Variants in C2CD5 observed in about 807,000 individuals in gnomAD.
C2CD5 encodes the protein C2 calcium dependent domain containing 5, also known as C2 domain-containing protein 5.
A neutral mutation model predicts 130.3 loss-of-function variants in C2CD5; 109 were observed. The ratio of observed to expected loss-of-function variants is 0.84; its 90% confidence interval spans 0.72 to 0.98. C2CD5 has a LOEUF of 0.98. Ranked by LOEUF, C2CD5 falls within the 50% of genes least tolerant of loss-of-function variation. The pLI, the probability that C2CD5 is intolerant of heterozygous loss-of-function variation, is 0.00. For synonymous variants in C2CD5, 454 were observed against 429.2 expected, an observed-to-expected ratio of 1.06 and a Z score of -0.71; for missense variants, 996 against 1,261.8, an observed-to-expected ratio of 0.79 and a Z score of 3.19.
At chr12:22,496,291 A>C (rs905356069) in intron 10 of C2CD5, among the ~76,000 whole-genome samples, 3 of 152,098 alleles carry the variant, frequency 2.0e-5, no homozygotes, top group African/African-American at 7.2e-5. Context: ...AAGGTTTAAA[A>C]ACTGATAACT....
chr12:22,459,174 G>A (rs1017989961), intron 23 of C2CD5, among the ~76,000 whole-genome samples: 1 of 151,980 alleles, frequency 6.6e-6, no homozygotes, highest in Non-Finnish European at 1.5e-5. Context: ...ATAATATGGG[G>A]TCAGGGCAGG....
Position 22,456,296 on chromosome 12 carries a change from T to G in C2CD5, c.2877+675A>C, listed in dbSNP as rs572623185. Reference sequence around the variant, plus strand: ...CCTCAGTAACTAAAAAATTTCCCTATTCACCATATTAATTTGCTTGGTAGC... The same window carrying G: ...CCTCAGTAACTAAAAAATTTCCCTAGTCACCATATTAATTTGCTTGGTAGC... On this transcript the variant is annotated intron_variant, in intron 25 of 26. Coordinates refer to ENST00000446597, the MANE Select transcript of C2CD5 (RefSeq NM_001286176.2). Among the ~76,000 whole-genome samples, 4 of 152,334 alleles carry G rather than the reference T, an allele frequency of 2.6e-5. No homozygotes were observed. In the East Asian group the frequency reaches 7.7e-4, roughly 29 times the overall value.
At chr12:22,484,618 G>T in intron 13 of C2CD5, 79 bp downstream of exon 13, 3 of 699,606 alleles carry the variant, frequency 4.3e-6, no homozygotes, top group Non-Finnish European at 6.8e-6. Flanking sequence ...AAACAGTAAA[G>T]CTGACACTTA....
chr12:22,542,462 A>C (rs1165745478), intron 2 of C2CD5, among the ~76,000 whole-genome samples: 1 of 152,222 alleles, frequency 6.6e-6, no homozygotes, highest in Non-Finnish European at 1.5e-5. Flanking sequence ...CACTACCCAC[A>C]TATCTCATAC....
intron 21 of C2CD5, among the ~76,000 whole-genome samples, chr12:22,470,550 A>T (rs1942858725): frequency 6.6e-6 from 1 of 152,058 alleles, no homozygotes; most frequent in South Asian, 2.1e-4. Flanking sequence ...AAACCCTTAT[A>T]TTACTGCAGA....
chr12:22,472,605 T>C (rs1943215817), intron 17 of C2CD5, 139 bp downstream of exon 17: 1 of 709,400 alleles, frequency 1.4e-6, no homozygotes, highest in South Asian at 1.6e-5. Context: ...GTTTTCTACC[T>C]TGGAGTAGCA....
rs751332096 is a variant in C2CD5 at position 22,524,456 on chromosome 12, TA to T, written c.601+15del. The T allele has an allele frequency of 2.0e-4, 324 of 1,609,998 alleles. No homozygotes were observed. Among genetic ancestry groups the T allele is most frequent in the Non-Finnish European group, 2.6e-4 (309 of 1,177,572 alleles). ...GTACTAAATCAGTCAGTAATAAAGT[TA>T]TTTTTTTTAAATACCTGACATTAAC... is the stretch of plus-strand genomic sequence containing the variant. On this transcript the variant is annotated intron_variant, in intron 6 of 26. Transcript: ENST00000446597.
chr12:22,509,052 ATT>A (rs1250709177), intron 9 of C2CD5, among the ~76,000 whole-genome samples: 3 of 149,660 alleles, frequency 2.0e-5, no homozygotes, highest in Non-Finnish European at 4.4e-5. Context: ...AATTTTTTGT[ATT>A]TTTTTAGTAG....
rs569612179 is a variant in C2CD5 at position 22,510,535 on chromosome 12, ATAC to A, written c.1038+2756_1038+2758del. Among the ~76,000 whole-genome samples, 430 of 152,316 alleles carry A rather than the reference ATAC, an allele frequency of 2.8e-3. 3 individuals carry two copies. Among genetic ancestry groups the A allele is most frequent in the African/African-American group, 0.01 (425 of 41,574 alleles). On this transcript the variant is annotated intron_variant, in intron 9 of 26. Coordinates refer to ENST00000446597, the MANE Select transcript of C2CD5 (RefSeq NM_001286176.2). Reference sequence around the variant, plus strand: ...TTAAATAGTTTATTCTTTAAATCAAATACTCTTTTTATTATTGCAAAAGACTAA... The same window carrying A: ...TTAAATAGTTTATTCTTTAAATCAAATCTTTTTATTATTGCAAAAGACTAA...
At chr12:22,492,725 C>T (rs1269051088) in intron 11 of C2CD5, among the ~76,000 whole-genome samples, 1 of 152,054 alleles carries the variant, frequency 6.6e-6, no homozygotes. Flanking sequence ...GTATGAAAGC[C>T]CCTTCCTAAT....
Position 22,519,329 on chromosome 12 carries a change from T to C in C2CD5, c.801-1192A>G. On this transcript the variant is annotated intron_variant, in intron 7 of 26. Transcript: ENST00000446597. ...TGTTAAAATAATTTCAAAGGAGCTT[T>C]AGTCAGGGAAGAGAACTTATTTTTT... The C allele has an allele frequency of 2.6e-6, 3 of 1,154,552 alleles. No individual in the cohort carries two copies. The South Asian group carries it at 5.5e-5, about 21-fold the overall frequency. The allele number at this position is 1,154,552 out of a possible 1,614,324, so 71.5% of individuals were successfully genotyped here.
intron 10 of C2CD5, 36 bp from the exon 11 acceptor site, chr12:22,493,373 T>C (rs1417222707): frequency 1.1e-5 from 12 of 1,048,098 alleles, no homozygotes; most frequent in Non-Finnish European, 1.8e-5. Flanking sequence ...TATTACTCAA[T>C]AGCACATTAT....
chr12:22,469,072 C>T (rs575923794), intron 22 of C2CD5, among the ~76,000 whole-genome samples: 1 of 152,090 alleles, frequency 6.6e-6, no homozygotes, highest in South Asian at 2.1e-4. Context: ...ATACTAAAAT[C>T]AGATGAGAAA....
At position 22,544,057 on chromosome 12, in the gene C2CD5, C is replaced by T. The variant is rs764946028; in HGVS notation, c.90+4G>A. ...TGTTTTGAGGGGCAGGACCCTGCACCAACCTCCACGAAGGCATCAGTCAGG... is the reference window on the plus strand; with the variant it reads ...TGTTTTGAGGGGCAGGACCCTGCACTAACCTCCACGAAGGCATCAGTCAGG... On this transcript the variant is annotated splice_donor_region_variant and intron_variant, in intron 2 of 26. Transcript: ENST00000446597. 8.1e-6 allele frequency: 13 copies of T among 1,609,894 alleles called. No individual in the cohort carries two copies. The highest frequency in any genetic ancestry group is 1.1e-5 in the Non-Finnish European group (13 of 1,176,396).
chr12:22,523,679 A>G (rs1022031568), intron 6 of C2CD5, 55 bp from the exon 7 acceptor site: 101 of 1,337,996 alleles, frequency 7.5e-5, no homozygotes, highest in Non-Finnish European at 1.1e-4. Context: ...TACATACTAT[A>G]AGACTGGACA....
chr12:22,543,088 G>A (rs1952558486), intron 2 of C2CD5, among the ~76,000 whole-genome samples: 1 of 152,148 alleles, frequency 6.6e-6, no homozygotes, highest in Non-Finnish European at 1.5e-5. Context: ...GTAATTATTC[G>A]GTTAGAGAAC....
chr12:22,517,881 A>C, intron 8 of C2CD5, 105 bp downstream of exon 8: 1 of 923,426 alleles, frequency 1.1e-6, no homozygotes, highest in Admixed American at 2.5e-5. Context: ...TTTCTTTTTA[A>C]CTTAAGTGCC....
chr12:22,495,241 T>C (rs1946862161), intron 10 of C2CD5, among the ~76,000 whole-genome samples: 1 of 152,078 alleles, frequency 6.6e-6, no homozygotes, highest in African/African-American at 2.4e-5. Context: ...TTTTCTCACA[T>C]TGGGTTTGCC....
Position 22,472,074 on chromosome 12 carries a change from G to C in C2CD5, c.2170-9C>G. The stretch of plus-strand genomic sequence containing the variant: ...CTTACTGAAGTGAACATCTAAATGT[G>C]GGGTGACATAACATGTCATTTTATT... On this transcript the variant is annotated splice_polypyrimidine_tract_variant and intron_variant, in intron 18 of 26. Transcript: ENST00000446597. The C allele has an allele frequency of 7.0e-7, 1 of 1,436,472 alleles. No homozygotes were observed. The highest frequency in any genetic ancestry group is 9.7e-7 in the Non-Finnish European group (1 of 1,028,370). The allele number at this position is 1,436,472 out of a possible 1,614,324, so 89.0% of individuals were successfully genotyped here.
Sources: allele counts gnomAD v4.1 joint callset (sites outside exome capture counted in the v4.1 genomes callset), GRCh38; gene constraint gnomAD v4.1.1; transcripts MANE v1.5; gene names NCBI Gene and HGNC (gene_info 2026-07-23, HGNC 2026-07-21).